The following CCDC178 variants were observed in gnomAD, a reference collection of about 807,000 sequenced individuals.
CCDC178 encodes the protein coiled-coil domain-containing protein 178.
In CCDC178, 126 loss-of-function variants were observed where a neutral mutation model predicts 117.4. The ratio of observed to expected loss-of-function variants is 1.07; its 90% CI spans 0.93 to 1.24. CCDC178 has a LOEUF of 1.24. Among genes scored for constraint, CCDC178 ranks in the 50% most tolerant of loss-of-function variants. The probability of loss-of-function intolerance (pLI) is 0.00; values close to 1 mark genes in which losing one functional copy is unlikely to be tolerated. For synonymous variants in CCDC178, 283 were observed against 313.4 expected (o/e 0.90, Z 1.02); for missense variants, 1,030 against 986.9 (o/e 1.04, Z -0.59).
chr18:33,007,076 T>C (rs1399372829), intron 21 of CCDC178, among the ~76,000 whole-genome samples: 1 of 152,096 alleles, frequency 6.6e-6, no homozygotes, highest in Non-Finnish European at 1.5e-5. Context: ...AGTAATTTGT[T>C]ACACAGCAAT....
At chr18:33,333,775 G>A (rs760665180) in intron 9 of CCDC178, among the ~76,000 whole-genome samples, 7 of 151,984 alleles carry the variant, frequency 4.6e-5, no homozygotes, top group African/African-American at 7.2e-5. Flanking sequence ...GCGTCCCAAA[G>A]TCCTGGGATT....
At position 33,412,036 on chromosome 18, in the gene CCDC178, T is replaced by C. The variant is rs1423669785; in HGVS notation, c.53A>G (p.Asn18Ser). 3 of 1,470,036 alleles carry C rather than the reference T, an allele frequency of 2.0e-6. No homozygotes were observed. The highest frequency in any genetic ancestry group is 2.5e-5 in the South Asian group (2 of 81,616). The allele number at this position is 1,470,036 out of a possible 1,614,324, so 91.1% of individuals were successfully genotyped here. A position where few individuals can be genotyped will look rare whatever the true frequency, so the allele number is the denominator to read the frequency against. Residue 18 changes from asparagine (N) to serine (S), a missense_variant, in exon 3 of 23, where the codon AAT becomes AGT. Coordinates refer to ENST00000383096, the MANE Select transcript of CCDC178 (RefSeq NM_001105528.4). ...TCAATTTATGATAAACTTACCTATA[T>C]TGGTTTGATCATCTCTAGTGGAAGA... ...SSSSTRDDQT[N>S]IGLTCQEVKA...
At chr18:32,947,886 A>G (rs2054391373) in intron 22 of CCDC178, among the ~76,000 whole-genome samples, 1 of 152,128 alleles carries the variant, frequency 6.6e-6, no homozygotes, top group Non-Finnish European at 1.5e-5. Context: ...ATATTGTCCA[A>G]GGTAATGGTG....
intron 22 of CCDC178, among the ~76,000 whole-genome samples, chr18:32,968,225 T>C (rs2054856721): frequency 6.6e-6 from 1 of 152,002 alleles, no homozygotes; most frequent in African/African-American, 2.4e-5. Flanking sequence ...AGATTCCACA[T>C]GTGAATGAGA....
chr18:33,243,921 TA>T, intron 15 of CCDC178, among the ~76,000 whole-genome samples: 1 of 151,904 alleles, frequency 6.6e-6, no homozygotes, highest in South Asian at 2.1e-4. Flanking sequence ...GATATTATTT[TA>T]AAAATTATAA....
intron 5 of CCDC178, among the ~76,000 whole-genome samples, chr18:33,388,042 A>G (rs1268030910): frequency 6.6e-6 from 1 of 152,200 alleles, no homozygotes; most frequent in Non-Finnish European, 1.5e-5. Context: ...CCATTAAAAA[A>G]ATGGGAAAAG....
chr18:33,064,566 T>C (rs911493665), intron 21 of CCDC178, among the ~76,000 whole-genome samples: 8 of 152,094 alleles, frequency 5.3e-5, no homozygotes, highest in Admixed American at 4.6e-4. Flanking sequence ...AGACAAAAAA[T>C]ATTTTTGATG....
chr18:33,386,474 A>G (rs1384217993), intron 5 of CCDC178, among the ~76,000 whole-genome samples: 4 of 152,222 alleles, frequency 2.6e-5, no homozygotes, highest in Non-Finnish European at 2.9e-5. Flanking sequence ...AAAAATCTCA[A>G]TAAAATACTG....
intron 21 of CCDC178, among the ~76,000 whole-genome samples, chr18:33,010,769 C>T (rs1169484299): frequency 6.6e-6 from 1 of 152,050 alleles, no homozygotes; most frequent in African/African-American, 2.4e-5. Context: ...TCTTTAAGGG[C>T]TTAAGCCTAA....
At chr18:33,110,884 A>C (rs1236685195) in intron 20 of CCDC178, among the ~76,000 whole-genome samples, 1 of 151,614 alleles carries the variant, frequency 6.6e-6, no homozygotes, top group Non-Finnish European at 1.5e-5. Context: ...TTGGCCCTTC[A>C]CATTTCCTTA....
intron 22 of CCDC178, among the ~76,000 whole-genome samples, chr18:32,971,741 T>C (rs779452843): frequency 1.3e-5 from 2 of 152,322 alleles, no homozygotes; most frequent in African/African-American, 2.4e-5. Context: ...TGGTATCTCA[T>C]TGTGGTTTGG....
chr18:33,358,292 T>C (rs1186810663), intron 6 of CCDC178, among the ~76,000 whole-genome samples: 2 of 151,964 alleles, frequency 1.3e-5, no homozygotes, highest in African/African-American at 4.8e-5. Context: ...TTTCATATAA[T>C]ATGACAAGCT....
At chr18:33,045,778 A>G (rs999241710) in intron 21 of CCDC178, among the ~76,000 whole-genome samples, 1 of 152,172 alleles carries the variant, frequency 6.6e-6, no homozygotes, top group African/African-American at 2.4e-5. Context: ...AAGTCTTACA[A>G]TACTTAGGCT....
At chr18:33,326,641 A>C (rs1169986304) in intron 10 of CCDC178, among the ~76,000 whole-genome samples, 1 of 151,816 alleles carries the variant, frequency 6.6e-6, no homozygotes, top group Non-Finnish European at 1.5e-5. Context: ...GCAACTCTTT[A>C]CTTCCCACTC....
chr18:32,954,367 T>A (rs1390636957), intron 22 of CCDC178: 1 of 152,166 alleles, frequency 6.6e-6, no homozygotes. Context: ...AAGATATGTA[T>A]GTATCATATA....
At chr18:33,347,329 A>T (rs577499029) in intron 8 of CCDC178, among the ~76,000 whole-genome samples, 2 of 152,282 alleles carry the variant, frequency 1.3e-5, no homozygotes, top group Non-Finnish European at 2.9e-5. Flanking sequence ...AAAGACAATG[A>T]TTTTCTGCTA....
Position 33,346,258 on chromosome 18 carries a change from G to A in CCDC178, c.611C>T (p.Ser204Phe). ...TTCTTGAAGTTTCCAGACTGACCAA[G>A]AGTCAATTTTCATGTTAATCATATT... ...RKNMINMKID[S>F]WSVWKLQELP... Residue 204 changes from serine to phenylalanine, a missense_variant, in exon 9 of 23, where the codon TCT (serine) becomes TTT (phenylalanine). Coordinates refer to ENST00000383096, the MANE Select transcript of CCDC178 (RefSeq NM_001105528.4). 6.2e-7 allele frequency: 1 copy of A among 1,613,956 alleles called. No individual in the cohort carries two copies. The highest frequency in any genetic ancestry group is 1.3e-5 in the African/African-American group (1 of 75,014).
chr18:33,361,316 T>C (rs891916199), intron 6 of CCDC178, among the ~76,000 whole-genome samples: 4 of 151,818 alleles, frequency 2.6e-5, no homozygotes, highest in African/African-American at 9.6e-5. Context: ...GGCTCTTATC[T>C]TAAACAATAC....
intron 5 of CCDC178, among the ~76,000 whole-genome samples, chr18:33,382,020 T>C (rs1482991305): frequency 6.6e-6 from 1 of 152,184 alleles, no homozygotes; most frequent in Non-Finnish European, 1.5e-5. Context: ...ATAAATCTGT[T>C]CAAAATTCAC....
Sources: gnomAD v4.1 joint callset for allele counts (sites outside exome capture counted in the v4.1 genomes callset) on GRCh38, gnomAD v4.1.1 for gene constraint, MANE v1.5 for transcripts, NCBI Gene and HGNC (gene_info 2026-07-23, HGNC 2026-07-21) for gene names.